The following ASPG variants were observed in gnomAD, a reference collection of about 807,000 sequenced individuals.
ASPG encodes the protein 60 kDa lysophospholipase.
Under a neutral mutation model 63.2 loss-of-function variants are expected in ASPG, and 53 were observed. The ratio of observed to expected loss-of-function variants is 0.84; its 90% CI spans 0.67 to 1.05. The LOEUF is 1.05. Ranked by LOEUF, ASPG falls within the 50% of genes least tolerant of loss-of-function variation. The pLI is 0.00. For synonymous variants in ASPG, 370 were observed against 355.0 expected, an observed-to-expected ratio of 1.04 and a Z score of -0.48; for missense variants, 741 against 794.4, an observed-to-expected ratio of 0.93 and a Z score of 0.81.
chr14:104,107,504 C>T (rs533475493), intron 12 of ASPG, among the ~76,000 whole-genome samples, 159 bp downstream of exon 12: 55 of 152,288 alleles, frequency 3.6e-4, no homozygotes, highest in Admixed American at 9.8e-4. Flanking sequence ...AGTAAGACCC[C>T]GGCCCAGAGT....
At chr14:104,108,900 G>T in intron 12 of ASPG, 1 of 985,398 alleles carries the variant, frequency 1.0e-6, no homozygotes, top group Non-Finnish European at 1.2e-6. Flanking sequence ...AGACTGCCCT[G>T]GGAGGAGCTA....
At position 104,107,198 on chromosome 14, in the gene ASPG, T is replaced by C; in HGVS notation, c.1286T>C (p.Leu429Pro). 6.3e-7 allele frequency: 1 copy of C among 1,580,866 alleles called. No homozygotes were observed. The highest frequency in any genetic ancestry group is 8.6e-7 in the Non-Finnish European group (1 of 1,162,126). ...TTACTCCAGGGCAGTGACCTGGGCC[T>C]GGTGGACTTTAACGGCCAAACCCCA... The part of the protein sequence containing the change: ...ALVELGSDLG[L>P]VDFNGQTPLH... Residue 429 changes from leucine (L) to proline (P), a missense_variant, in exon 12 of 16, where the codon CTG becomes CCG. Coordinates refer to ENST00000551177, the MANE Select transcript of ASPG (RefSeq NM_001080464.3).
intron 9 of ASPG, 58 bp downstream of exon 9, chr14:104,104,793 T>TC (rs1278017996): frequency 5.1e-5 from 72 of 1,418,422 alleles, no homozygotes; most frequent in Non-Finnish European, 6.7e-5. Flanking sequence ...GTCAGTTGGC[T>TC]CCCAGGGGCA....
intron 13 of ASPG, 80 bp from the exon 14 acceptor site, chr14:104,111,422 C>A: frequency 7.7e-7 from 1 of 1,296,932 alleles, no homozygotes; most frequent in Non-Finnish European, 1.1e-6. Context: ...AGCGTCCAGG[C>A]CACCTGGGGG....
In ASPG at chr14:104,107,185, A is replaced by G. The variant is rs2037169708; in HGVS notation, c.1273A>G (p.Ser425Gly). The change falls in exon 12 of 16, where the codon AGT (serine) becomes GGT (glycine). Residue 425 changes from serine to glycine, a missense_variant. Physicochemically the swap from Ser to Gly is moderately conservative, Grantham distance 56. Coordinates refer to ENST00000551177, the MANE Select transcript of ASPG (RefSeq NM_001080464.3). The stretch of plus-strand genomic sequence containing the variant: ...GCATGTCCTTGTGTTACTCCAGGGC[A>G]GTGACCTGGGCCTGGTGGACTTTAA... ...EALQALVELGSDLGLVDFNGQ... is the reference protein window; with the variant it reads ...EALQALVELGGDLGLVDFNGQ... 1.9e-6 allele frequency: 3 copies of G among 1,564,618 alleles called. No individual in the cohort carries two copies. Among genetic ancestry groups the G allele is most frequent in the Non-Finnish European group, 1.7e-6 (2 of 1,153,272 alleles).
At position 104,106,848 on chromosome 14, in the gene ASPG, C is replaced by T; in HGVS notation, c.1223C>T (p.Ala408Val). 6.2e-7 allele frequency: 1 copy of T among 1,600,538 alleles called. No individual in the cohort carries two copies. The highest frequency in any genetic ancestry group is 8.5e-7 in the Non-Finnish European group (1 of 1,175,350). ...CTGGTGCCCAGCCTGGCCTGTGCTG[C>T]TGCCCACGCCGGTGACGTGGAGGCG... ...NALVPSLACA[A>V]AHAGDVEALQ... Residue 408 changes from alanine (A) to valine (V), a missense_variant, in exon 11 of 16, where the codon GCT (alanine) becomes GTT (valine). Physicochemically the swap from Ala to Val is moderately conservative, Grantham distance 64. Transcript: ENST00000551177.
chr14:104,095,008 C>T (rs1212174895), intron 3 of ASPG, among the ~76,000 whole-genome samples: 3 of 152,162 alleles, frequency 2.0e-5, no homozygotes, highest in African/African-American at 4.8e-5. Flanking sequence ...GGCCGGAGGA[C>T]GTCCCTGCAT....
intron 6 of ASPG, among the ~76,000 whole-genome samples, chr14:104,100,193 C>A (rs2036811224): frequency 6.6e-6 from 1 of 152,170 alleles, no homozygotes; most frequent in African/African-American, 2.4e-5. Context: ...CAGGCAAGGA[C>A]CCTGGGGAGC....
intron 10 of ASPG, among the ~76,000 whole-genome samples, 182 bp from the exon 11 acceptor site, chr14:104,106,617 G>C (rs912437545): frequency 1.3e-5 from 2 of 152,116 alleles, no homozygotes; most frequent in Non-Finnish European, 2.9e-5. Flanking sequence ...TGGATGGGGT[G>C]GGGTGGTGAG....
At chr14:104,107,690 C>T (rs565516496) in intron 12 of ASPG, among the ~76,000 whole-genome samples, 263 of 152,328 alleles carry the variant, frequency 1.7e-3, no homozygotes, top group African/African-American at 6.0e-3. Flanking sequence ...ACAGGCAACT[C>T]GGGCCCTGGA....
At chr14:104,111,892 G>GCAGCAT in intron 14 of ASPG, 28 bp from the exon 15 acceptor site, 1 of 1,546,962 alleles carries the variant, frequency 6.5e-7, no homozygotes, top group South Asian at 1.2e-5. Context: ...TGGCCCCAAG[G>GCAGCAT]CAGCCCCTCC....
At chr14:104,098,739 T>A in intron 5 of ASPG, 114 bp from the exon 6 acceptor site, 1 of 1,484,266 alleles carries the variant, frequency 6.7e-7, no homozygotes, top group Non-Finnish European at 9.1e-7. Context: ...GGGGTTACAG[T>A]CCCACCTCCC....
intron 1 of ASPG, 103 bp from the exon 2 acceptor site, chr14:104,092,530 C>T (rs751222215): frequency 4.7e-5 from 45 of 958,934 alleles, no homozygotes; most frequent in Middle Eastern, 3.1e-4. Context: ...GTCATAAGAC[C>T]GGAGCCCCAT....
chr14:104,093,454 G>A, intron 2 of ASPG, 37 bp from the exon 3 acceptor site: 11 of 1,534,598 alleles, frequency 7.2e-6, no homozygotes, highest in Non-Finnish European at 9.0e-6. Flanking sequence ...CAGAGCGGGA[G>A]CCTGCTGTTC....
At chr14:104,097,122 C>T (rs1455250453) in intron 4 of ASPG, among the ~76,000 whole-genome samples, 1 of 152,106 alleles carries the variant, frequency 6.6e-6, no homozygotes, top group Non-Finnish European at 1.5e-5. Context: ...GGCAGGGCAG[C>T]TGCGGTGGGA....
intron 3 of ASPG, among the ~76,000 whole-genome samples, chr14:104,094,700 C>T (rs1317079947): frequency 6.6e-6 from 1 of 152,198 alleles, no homozygotes; most frequent in East Asian, 1.9e-4. Flanking sequence ...CCGGGCAAGG[C>T]GTGACTGCTT....
intron 12 of ASPG, chr14:104,108,392 T>A: frequency 1.0e-6 from 1 of 985,146 alleles, no homozygotes; most frequent in Non-Finnish European, 1.2e-6. Flanking sequence ...TCCTCCTGAC[T>A]CACAGGACCA....
intron 12 of ASPG, chr14:104,108,397 G>A (rs2037237795): frequency 1.0e-6 from 1 of 985,240 alleles, no homozygotes; most frequent in Admixed American, 6.1e-5. Flanking sequence ...CTGACTCACA[G>A]GACCAGGCTC....
At position 104,109,885 on chromosome 14, in the gene ASPG, C is replaced by T. The variant is rs1314931015; in HGVS notation, c.1520+570C>T. The T allele has an allele frequency of 1.3e-5, 12 of 928,064 alleles. No individual in the cohort carries two copies. Among genetic ancestry groups the T allele is most frequent in the South Asian group, 5.0e-5 (1 of 20,164 alleles). The allele number at this position is 928,064 out of a possible 1,614,324, so 57.5% of individuals were successfully genotyped here. Reference sequence around the variant, plus strand: ...CGATCTCATGCTGCCGAGTGACCACCGAGGCAGGCTCAGGCCTTCTGACAT... The same window carrying T: ...CGATCTCATGCTGCCGAGTGACCACTGAGGCAGGCTCAGGCCTTCTGACAT... On this transcript the variant is annotated intron_variant, in intron 13 of 15. Coordinates refer to ENST00000551177, the MANE Select transcript of ASPG (RefSeq NM_001080464.3). The surrounding 1 kb of genome is among the most constrained non-coding windows in gnomAD (Gnocchi z 4.8).
Sources: gnomAD v4.1 joint callset for allele counts (sites outside exome capture counted in the v4.1 genomes callset) on GRCh38, gnomAD v4.1.1 for gene constraint, Gnocchi (gnomAD v3.1) non-coding constraint, MANE v1.5 for transcripts, NCBI Gene and HGNC (gene_info 2026-07-23, HGNC 2026-07-21) for gene names.